IHO1: variants seen among roughly 807,000 people sequenced by gnomAD.
The protein encoded by IHO1 is interactor of HORMAD1 1, also known as interactor of HORMAD1 protein 1.
A neutral mutation model predicts 31.0 loss-of-function variants in IHO1; 13 were observed. That is an observed-to-expected ratio of 0.42 (90% CI 0.27 to 0.67). The LOEUF (loss-of-function observed/expected upper bound fraction) is 0.67. Among genes scored for constraint, IHO1 ranks in the 30% least tolerant of loss-of-function variants. The pLI, the probability that IHO1 is intolerant of heterozygous loss-of-function variation, is 0.24. For synonymous variants in IHO1, 221 were observed against 248.4 expected (o/e 0.89, Z 1.04); for missense variants, 599 against 687.5 (o/e 0.87, Z 1.44).
At position 49,244,627 on chromosome 3, in the gene IHO1, A is replaced by G. The variant is rs200393045; in HGVS notation, c.445-19A>G. On this transcript the variant is annotated intron_variant, in intron 5 of 7. Transcript: ENST00000452691. ...AAGGCAATAGCCTGTGAATTATTTC[A>G]TAATTTTGGGTTTCTTAGTTGCAGA... 2 of 1,603,844 alleles carry G rather than the reference A, an allele frequency of 1.2e-6. No individual in the cohort carries two copies. The highest frequency in any genetic ancestry group is 2.2e-5 in the South Asian group (2 of 90,836).
At chr3:49,230,775 G>A (rs1020890394) in intron 2 of IHO1, among the ~76,000 whole-genome samples, 22 of 152,148 alleles carry the variant, frequency 1.4e-4, no homozygotes, top group Non-Finnish European at 3.2e-4. Flanking sequence ...GTAACCATAT[G>A]TAGGGATCAA....
Position 49,256,349 on chromosome 3 carries a change from C to T in IHO1, c.852C>T (p.Thr284=). 1.2e-6 allele frequency: 2 copies of T among 1,614,156 alleles called. No homozygotes were observed. The highest frequency in any genetic ancestry group is 1.7e-6 in the Non-Finnish European group (2 of 1,180,040). ...CTTTGGCCCAGAGCCTCAATCTCAC[C>T]AGGCAGGAAAAATACACCTCTGAGA... ...SPPLAQSLNL[T]RQEKYTSEKP... The change falls in exon 8 of 8, where the codon ACC becomes ACT. Residue 284 remains threonine (T), a synonymous_variant. Coordinates refer to ENST00000452691, the MANE Select transcript of IHO1 (RefSeq NM_001135197.2). This position sits in a 1 kb window ranked among gnomAD's most constrained non-coding sequence, Gnocchi z 4.6.
At chr3:49,214,957 A>G (rs935003685) in intron 2 of IHO1, among the ~76,000 whole-genome samples, 4 of 150,916 alleles carry the variant, frequency 2.7e-5, no homozygotes, top group African/African-American at 9.8e-5. Context: ...ATTAAGTCCA[A>G]TTCCTCTGTT....
intron 1 of IHO1, among the ~76,000 whole-genome samples, chr3:49,202,175 A>T (rs930726968): frequency 6.6e-6 from 1 of 152,152 alleles, no homozygotes. Context: ...AGACAAGTTA[A>T]TAGTGTATTA....
chr3:49,256,097 T>G lies in IHO1; in HGVS notation c.637-37T>G. On this transcript the variant is annotated intron_variant, in intron 7 of 7. Transcript: ENST00000452691. The surrounding 1 kb of genome is among the most constrained non-coding windows in gnomAD (Gnocchi z 4.6). ...TTTTATTGTGCTTTCTGACTTGCAC[T>G]GTCCATCACTGTCTTTCTCACTGCC... 6.6e-7 allele frequency: 1 copy of G among 1,524,434 alleles called. No individual in the cohort carries two copies. Among genetic ancestry groups the G allele is most frequent in the Non-Finnish European group, 8.9e-7 (1 of 1,122,742 alleles). 94.4% of individuals were successfully genotyped at this position (1,524,434 alleles called of 1,614,324 possible).
chr3:49,200,824 A>G (rs549388170), intron 1 of IHO1, among the ~76,000 whole-genome samples: 20 of 152,204 alleles, frequency 1.3e-4, no homozygotes, highest in Non-Finnish European at 1.9e-4. Flanking sequence ...CTGTACTAGC[A>G]TCTTCAAGGA....
Position 49,237,887 on chromosome 3 carries a change from C to CTTTTTTTTTTTTT in IHO1, c.231+1184_231+1196dup, listed in dbSNP as rs574951773. Reference sequence around the variant, plus strand: ...TGTTTTGAGATTAACCTGTCTTTTCCTTTTTTTTTTTTTTTTTTTTTTTTT... The same window carrying CTTTTTTTTTTTTT: ...TGTTTTGAGATTAACCTGTCTTTTCCTTTTTTTTTTTTTTTTTTTTTTTTTTTTTTTTTTTTTT... On this transcript the variant is annotated intron_variant, in intron 3 of 7. Transcript: ENST00000452691. Among the ~76,000 whole-genome samples the CTTTTTTTTTTTTT allele has an allele frequency of 6.6e-4, 34 of 51,442 alleles. 4 individuals are homozygous for CTTTTTTTTTTTTT. Among genetic ancestry groups the CTTTTTTTTTTTTT allele is most frequent in the African/African-American group, 1.1e-3 (13 of 12,268 alleles). The allele number at this position is 51,442 out of a possible 152,430, so 33.7% of individuals were successfully genotyped here. A position where few individuals can be genotyped will look rare whatever the true frequency, so the allele number is the denominator to read the frequency against.
At chr3:49,210,291 T>C (rs1348669042) in intron 1 of IHO1, among the ~76,000 whole-genome samples, 2 of 151,964 alleles carry the variant, frequency 1.3e-5, no homozygotes, top group African/African-American at 4.8e-5. Flanking sequence ...AGCTGGAGTA[T>C]AGTGGCACAA....
Position 49,251,430 on chromosome 3 carries a change from C to T in IHO1, c.533-3960C>T, listed in dbSNP as rs148232173. On this transcript the variant is annotated intron_variant, in intron 6 of 7. Coordinates refer to ENST00000452691, the MANE Select transcript of IHO1 (RefSeq NM_001135197.2). ...CCTCCTGAGTAGCTGGGACTACAGGCGTGCATCACCATGCCCAGCTAATTT... is the reference window on the plus strand; with the variant it reads ...CCTCCTGAGTAGCTGGGACTACAGGTGTGCATCACCATGCCCAGCTAATTT... 6.4e-3 allele frequency among the ~76,000 whole-genome samples: 973 copies of T among 151,484 alleles called. 7 individuals carry two copies. The highest frequency in any genetic ancestry group is 0.022 in the African/African-American group (926 of 41,252).
chr3:49,191,656 A>G, the IHO1 span: 2 of 1,459,926 alleles, frequency 1.4e-6, no homozygotes, highest in African/African-American at 2.8e-5. Context: ...GCCAAATGAA[A>G]ACCTTTTCAC....
chr3:49,208,239 G>A (rs893596916), intron 1 of IHO1, among the ~76,000 whole-genome samples: 6 of 152,176 alleles, frequency 3.9e-5, no homozygotes, highest in Non-Finnish European at 8.8e-5. Context: ...CCCTAGAACA[G>A]GGGTCTCCAA....
At chr3:49,235,347 C>A (rs989033346) in intron 2 of IHO1, among the ~76,000 whole-genome samples, 1 of 151,650 alleles carries the variant, frequency 6.6e-6, no homozygotes, top group African/African-American at 2.4e-5. Context: ...CTGTCTCAGC[C>A]TCCCAAGTAG....
In IHO1 at chr3:49,211,847, T is replaced by G. The variant is rs1252953106; in HGVS notation, c.56+11T>G. ...TCCTTCAGGCTCTGGGTAAGTTTTC[T>G]GGTTATATTGTCTGATCCTTAAGAG... is the stretch of plus-strand genomic sequence containing the variant. On this transcript the variant is annotated intron_variant, in intron 2 of 7. Coordinates refer to ENST00000452691, the MANE Select transcript of IHO1 (RefSeq NM_001135197.2). 6.7e-7 allele frequency: 1 copy of G among 1,485,384 alleles called. No homozygotes were observed. 92.0% of individuals were successfully genotyped at this position (1,485,384 alleles called of 1,614,324 possible).
intron 1 of IHO1, among the ~76,000 whole-genome samples, chr3:49,208,554 T>G (rs1043154471): frequency 1.3e-5 from 2 of 152,176 alleles, no homozygotes; most frequent in African/African-American, 4.8e-5. Context: ...AACTTGTCCC[T>G]GGTGCCAAAA....
chr3:49,252,449 C>T (rs964217705), intron 6 of IHO1, among the ~76,000 whole-genome samples: 1 of 151,814 alleles, frequency 6.6e-6, no homozygotes, highest in Non-Finnish European at 1.5e-5. Context: ...GATAGGTTCT[C>T]CCTCTGTCAT....
In IHO1 at chr3:49,236,649, A is replaced by G. The variant is rs1364014527; in HGVS notation, c.158A>G (p.Glu53Gly). The part of the protein sequence containing the change: ...FGSQFCPENS[E>G]TLSAPLDFGA... The stretch of plus-strand genomic sequence containing the variant: ...TCTCAGTTCTGTCCAGAAAATTCAG[A>G]AACCCTATCAGCACCCTTGGACTTT... The change falls in exon 3 of 8, where the codon GAA (glutamate) becomes GGA (glycine). Residue 53 changes from glutamate to glycine, a missense_variant. By Grantham distance (98) the Glu-to-Gly change is moderately conservative (BLOSUM62 -2). Coordinates refer to ENST00000452691, the MANE Select transcript of IHO1 (RefSeq NM_001135197.2). 6.2e-7 allele frequency: 1 copy of G among 1,614,012 alleles called. No individual in the cohort carries two copies. The highest frequency in any genetic ancestry group is 8.5e-7 in the Non-Finnish European group (1 of 1,179,982).
chr3:49,218,340 G>A (rs996313590), intron 2 of IHO1, among the ~76,000 whole-genome samples: 27 of 147,476 alleles, frequency 1.8e-4, no homozygotes, highest in African/African-American at 6.7e-4. Flanking sequence ...AAGCCCCCAA[G>A]AGACCCCTGT....
chr3:49,243,891 G>C (rs182661546), intron 4 of IHO1, among the ~76,000 whole-genome samples: 113 of 149,302 alleles, frequency 7.6e-4, no homozygotes, highest in Non-Finnish European at 1.5e-3. Context: ...ATTTTAAAAA[G>C]AAAAATGCGA....
At chr3:49,247,674 A>G (rs1345494560) in intron 6 of IHO1, among the ~76,000 whole-genome samples, 2 of 152,032 alleles carry the variant, frequency 1.3e-5, no homozygotes, top group Non-Finnish European at 2.9e-5. Flanking sequence ...CTGTAGTCCC[A>G]GGTACTAGGG....
Sources: gnomAD v4.1 joint callset for allele counts (sites outside exome capture counted in the v4.1 genomes callset) on GRCh38, gnomAD v4.1.1 for gene constraint, Gnocchi (gnomAD v3.1) non-coding constraint, MANE v1.5 for transcripts, NCBI Gene and HGNC (gene_info 2026-07-23, HGNC 2026-07-21) for gene names.